ANXA8: variants seen among roughly 807,000 people sequenced by gnomAD.
ANXA8 encodes the protein VAC-beta.
In ANXA8, 9 loss-of-function variants were observed where a neutral mutation model predicts 26.8. That is an observed-to-expected ratio of 0.34 (90% CI 0.20 to 0.59). ANXA8 has a LOEUF of 0.59. ANXA8 is among the 20% of genes least tolerant of loss of function. The pLI is 0.84. For synonymous variants in ANXA8, 39 were observed against 94.8 expected (o/e 0.41, Z 3.42); for missense variants, 83 against 238.5 (o/e 0.35, Z 4.29).
At chr10:47,748,376 T>C in the ANXA8 span, among the ~76,000 whole-genome samples, 1 of 149,784 alleles carries the variant, frequency 6.7e-6, no homozygotes, top group Non-Finnish European at 1.5e-5. Context: ...CATGCCTGGC[T>C]AATTTTTGGA....
the ANXA8 span, chr10:47,920,776 C>T: frequency 6.7e-6 from 1 of 149,488 alleles, no homozygotes; most frequent in East Asian, 2.0e-4. Flanking sequence ...AACTACATCT[C>T]CTGGTGGAAG....
chr10:47,475,045 A>C (rs1472598980), intron 6 of ANXA8, 41 bp from the exon 7 acceptor site: 4 of 1,531,052 alleles, frequency 2.6e-6, no homozygotes, highest in Non-Finnish European at 3.5e-6. Flanking sequence ...AGGCCAGCTG[A>C]CCAGAGCATT....
the ANXA8 span, among the ~76,000 whole-genome samples, chr10:47,950,859 A>G: frequency 0.018 from 2,721 of 150,174 alleles, 49 homozygotes; most frequent in African/African-American, 0.064. Flanking sequence ...GATTTTTATT[A>G]GAAAATATAA....
the ANXA8 span, among the ~76,000 whole-genome samples, chr10:47,733,229 TTC>T: frequency 3.5e-3 from 235 of 67,680 alleles, 3 homozygotes; most frequent in East Asian, 0.015. Context: ...TTCTCTTTCT[TTC>T]TCTCTTTCTT....
chr10:47,563,796 T>A, the ANXA8 span: 1 of 703,992 alleles, frequency 1.4e-6, no homozygotes, highest in South Asian at 1.6e-5. Flanking sequence ...GATTTTTTTT[T>A]AAGTTGTACT....
the ANXA8 span, among the ~76,000 whole-genome samples, chr10:47,777,230 C>T: frequency 2.6e-5 from 4 of 151,596 alleles, no homozygotes; most frequent in African/African-American, 9.7e-5. Context: ...GGGGAGACAA[C>T]CCTAAAGTTG....
the ANXA8 span, among the ~76,000 whole-genome samples, chr10:47,768,372 A>G: frequency 6.6e-6 from 1 of 151,440 alleles, no homozygotes; most frequent in Non-Finnish European, 1.5e-5. Flanking sequence ...TTGATGTATT[A>G]ATATGCTAAA....
chr10:47,549,821 T>C, the ANXA8 span, among the ~76,000 whole-genome samples: 1 of 143,088 alleles, frequency 7.0e-6, no homozygotes, highest in Non-Finnish European at 1.5e-5. Flanking sequence ...AAGAAAATAT[T>C]GGCTGGGCAC....
chr10:47,493,682 C>G, the ANXA8 span, among the ~76,000 whole-genome samples: 1 of 151,114 alleles, frequency 6.6e-6, no homozygotes, highest in African/African-American at 2.5e-5. Flanking sequence ...CCCTGGCCCA[C>G]TGCCCAGCCC....
chr10:47,492,244 G>T, the ANXA8 span, among the ~76,000 whole-genome samples: 1 of 150,030 alleles, frequency 6.7e-6, no homozygotes, highest in South Asian at 2.1e-4. Context: ...GGACAGGGTG[G>T]GGCGTTCAGG....
the ANXA8 span, among the ~76,000 whole-genome samples, chr10:47,501,194 G>A: frequency 2.7e-3 from 369 of 139,194 alleles, 29 homozygotes; most frequent in African/African-American, 9.4e-3. Context: ...GAGCCACCAC[G>A]CCTGGCCATT....
the ANXA8 span, among the ~76,000 whole-genome samples, chr10:47,918,383 G>GAGAGAGAGAGAAAGAAAGAA: frequency 9.5e-5 from 1 of 10,502 alleles, no homozygotes; most frequent in Admixed American, 1.4e-3. Context: ...GAGAGAGAGA[G>GAGAGAGAGAGAAAGAAAGAA]AGAAAGAAAG....
At chr10:47,721,303 A>C in the ANXA8 span, among the ~76,000 whole-genome samples, 1 of 141,712 alleles carries the variant, frequency 7.1e-6, no homozygotes, top group Admixed American at 7.1e-5. Context: ...GCTCAATACT[A>C]TTCCTTATGG....
the ANXA8 span, among the ~76,000 whole-genome samples, chr10:47,777,286 A>ATGATG: frequency 6.6e-6 from 1 of 151,354 alleles, no homozygotes; most frequent in Non-Finnish European, 1.5e-5. Flanking sequence ...CTGTGGAGGG[A>ATGATG]CAGCCTGCAC....
the ANXA8 span, among the ~76,000 whole-genome samples, chr10:47,526,045 T>A: frequency 7.3e-6 from 1 of 137,820 alleles, no homozygotes; most frequent in Non-Finnish European, 1.5e-5. Context: ...GTGCTAGGAC[T>A]ACAGGAATGA....
the ANXA8 span, among the ~76,000 whole-genome samples, chr10:47,510,749 G>C: frequency 9.0e-6 from 1 of 110,540 alleles, no homozygotes; most frequent in Non-Finnish European, 1.7e-5. Context: ...AGAATGGGGC[G>C]AACCCAGGAG....
chr10:47,553,504 T>C, the ANXA8 span: 2 of 160,592 alleles, frequency 1.2e-5, no homozygotes, highest in Non-Finnish European at 2.9e-5. Flanking sequence ...ACTCCTTAGG[T>C]CCGCTTGGAC....
the ANXA8 span, among the ~76,000 whole-genome samples, chr10:47,661,638 T>G: frequency 8.1e-6 from 1 of 123,536 alleles, no homozygotes; most frequent in South Asian, 2.3e-4. Flanking sequence ...CAGGATGGTC[T>G]CAAACTCCTG....
the ANXA8 span, among the ~76,000 whole-genome samples, chr10:47,633,199 C>T: frequency 6.8e-6 from 1 of 146,098 alleles, no homozygotes; most frequent in Non-Finnish European, 1.5e-5. Flanking sequence ...TGTAGCTGGA[C>T]TTATCTTGAA....
Sources: gnomAD v4.1 joint callset for allele counts (sites outside exome capture counted in the v4.1 genomes callset) on GRCh38, gnomAD v4.1.1 for gene constraint, MANE v1.5 for transcripts, NCBI Gene and HGNC (gene_info 2026-07-23, HGNC 2026-07-21) for gene names.